CSTL1: variants seen among roughly 807,000 people sequenced by gnomAD.
CSTL1 encodes cystatin like 1.
CSTL1 carries 14 observed loss-of-function variants against 14.4 expected under a neutral mutation model. The observed-to-expected ratio is 0.97, with a 90% CI of 0.64 to 1.52. CSTL1 has a LOEUF of 1.52. CSTL1 is among the 40% of genes most tolerant of loss of function. The probability of loss-of-function intolerance (pLI) is 0.00; values close to 1 mark genes in which losing one functional copy is unlikely to be tolerated. For synonymous variants in CSTL1, 72 were observed against 67.5 expected (o/e 1.07, Z -0.33); for missense variants, 170 against 168.7 (o/e 1.01, Z -0.04).
chr20:23,442,168 G>A (rs934695016), intron 2 of CSTL1: 4 of 152,512 alleles, frequency 2.6e-5, no homozygotes, highest in Middle Eastern at 3.4e-3. Flanking sequence ...CAGAGCAGGC[G>A]TGCCTCCTGG....
rs536885601 is a variant in CSTL1 at position 23,441,811 on chromosome 20, G to A, written c.219+1325G>A. On this transcript the variant is annotated intron_variant, in intron 2 of 3. Coordinates refer to ENST00000347397, the MANE Select transcript of CSTL1 (RefSeq NM_138283.1). ...GAAGTTGGGGCAGCAACAATGCTAC[G>A]TCCTAGTTCAATTAGCTAGATTTGG... Among the ~76,000 whole-genome samples the A allele has an allele frequency of 1.1e-4, 17 of 152,206 alleles. No individual in the cohort carries two copies. The South Asian group carries it at 3.1e-3, about 28-fold the overall frequency.
chr20:23,439,954 G>T, intron 1 of CSTL1, 148 bp downstream of exon 1: 2 of 402,376 alleles, frequency 5.0e-6, no homozygotes, highest in South Asian at 4.8e-5. Flanking sequence ...CACTGTAGGG[G>T]CTGTTCTGGG....
the CSTL1 span, among the ~76,000 whole-genome samples, chr20:23,452,124 T>C: frequency 6.6e-6 from 1 of 152,238 alleles, no homozygotes; most frequent in Non-Finnish European, 1.5e-5. Flanking sequence ...AAACATGAAC[T>C]TTCCCCCTGG....
chr20:23,452,674 G>C, the CSTL1 span: 3 of 1,613,998 alleles, frequency 1.9e-6, no homozygotes, highest in Non-Finnish European at 2.5e-6. Context: ...ACTGCAAGCT[G>C]TCCTTCGCAT....
chr20:23,454,005 C>T, the CSTL1 span, among the ~76,000 whole-genome samples: 2 of 150,982 alleles, frequency 1.3e-5, no homozygotes, highest in South Asian at 2.1e-4. Context: ...GACACACACA[C>T]CTACATGTAT....
At chr20:23,457,075 T>C in the CSTL1 span, among the ~76,000 whole-genome samples, 5 of 152,334 alleles carry the variant, frequency 3.3e-5, no homozygotes, top group South Asian at 8.3e-4. Flanking sequence ...CTGCCTGTCA[T>C]GGCAGCACAG....
the CSTL1 span, among the ~76,000 whole-genome samples, chr20:23,452,237 T>C: frequency 6.6e-6 from 1 of 152,192 alleles, no homozygotes; most frequent in Non-Finnish European, 1.5e-5. Context: ...TTACGTTTTA[T>C]TGGCCATGTG....
downstream of CSTL1, among the ~76,000 whole-genome samples, chr20:23,449,516 C>T (rs1042068705): frequency 1.8e-4 from 27 of 152,140 alleles, no homozygotes; most frequent in Admixed American, 7.2e-4. Context: ...GATCTTCCTC[C>T]CTTTCTTACT....
chr20:23,440,083 A>G (rs1986788922), intron 1 of CSTL1, 61 bp from the exon 2 acceptor site: 1 of 647,318 alleles, frequency 1.5e-6, no homozygotes, highest in Non-Finnish European at 2.6e-6. Flanking sequence ...AAATGGGTAG[A>G]AAATGAACTG....
rs1986929126 is a variant in CSTL1 at position 23,444,773 on chromosome 20, T to C, written c.333T>C (p.Ser111=). Residue 111 remains serine (S), a splice_region_variant and synonymous_variant, in exon 4 of 4, where the codon AGT becomes AGC. Coordinates refer to ENST00000347397, the MANE Select transcript of CSTL1 (RefSeq NM_138283.1). ...CPLQSKKLRK[S]LICESLIYTM... is the part of the protein sequence containing the mutation. ...CTGTTTTCTTTCTTCTTCTACAGAG[T>C]TTAATTTGCGAGTCTTTGATATACA... The C allele has an allele frequency of 6.2e-7, 1 of 1,605,796 alleles. No homozygotes were observed.
chr20:23,456,691 A>G, the CSTL1 span, among the ~76,000 whole-genome samples: 2 of 152,104 alleles, frequency 1.3e-5, no homozygotes, highest in African/African-American at 2.4e-5. Flanking sequence ...TTATCTTGCA[A>G]TTTTGGAGGT....
At chr20:23,455,028 C>T in the CSTL1 span, among the ~76,000 whole-genome samples, 6 of 152,090 alleles carry the variant, frequency 3.9e-5, no homozygotes, top group Non-Finnish European at 8.8e-5. Context: ...GCCTTATCTG[C>T]CATTGGGAAT....
chr20:23,443,852 C>A, intron 2 of CSTL1, 82 bp from the exon 3 acceptor site: 1 of 982,960 alleles, frequency 1.0e-6, no homozygotes. Context: ...GGGAGCTTTA[C>A]TCTCAGTCCT....
At chr20:23,450,689 A>G in the CSTL1 span, 1 of 708,620 alleles carries the variant, frequency 1.4e-6, no homozygotes, top group Non-Finnish European at 2.3e-6. Context: ...AAAGGCTACC[A>G]CCTCTCCACC....
the CSTL1 span, chr20:23,452,548 T>C: frequency 7.3e-7 from 1 of 1,375,594 alleles, no homozygotes; most frequent in South Asian, 1.2e-5. Context: ...TGTGGGCGTA[T>C]CAGGCCTGGG....
At chr20:23,441,582 G>A (rs981076090) in intron 2 of CSTL1, among the ~76,000 whole-genome samples, 1 of 152,182 alleles carries the variant, frequency 6.6e-6, no homozygotes, top group Non-Finnish European at 1.5e-5. Context: ...CCCACATATG[G>A]TAAATCATTT....
At chr20:23,444,646 G>A in intron 3 of CSTL1, 125 bp from the exon 4 acceptor site, 3 of 646,826 alleles carry the variant, frequency 4.6e-6, no homozygotes, top group Non-Finnish European at 8.4e-6. Flanking sequence ...CTTGACTGTG[G>A]GCAGCTCCCC....
At chr20:23,458,144 C>G in the CSTL1 span, among the ~76,000 whole-genome samples, 19 of 152,310 alleles carry the variant, frequency 1.2e-4, no homozygotes, top group African/African-American at 4.3e-4. Context: ...CCACATCCTA[C>G]CAAGAGTTGG....
chr20:23,454,951 ATTG>A, the CSTL1 span, among the ~76,000 whole-genome samples: 1 of 152,136 alleles, frequency 6.6e-6, no homozygotes, highest in South Asian at 2.1e-4. Flanking sequence ...TCTAAGTGAA[ATTG>A]TTGTTTGAGA....
Sources: gnomAD v4.1 joint callset for allele counts (sites outside exome capture counted in the v4.1 genomes callset) on GRCh38, gnomAD v4.1.1 for gene constraint, MANE v1.5 for transcripts, NCBI Gene and HGNC (gene_info 2026-07-23, HGNC 2026-07-21) for gene names.